Variants in PPP1R1C observed in about 807,000 individuals in gnomAD.
The protein encoded by PPP1R1C is protein phosphatase 1 regulatory inhibitor subunit 1C, also known as protein phosphatase 1 regulatory subunit 1C.
Under a neutral mutation model 17.4 loss-of-function variants are expected in PPP1R1C, and 15 were observed. The ratio of observed to expected loss-of-function variants is 0.86; its 90% CI spans 0.58 to 1.33. The LOEUF is 1.33. Among genes scored for constraint, PPP1R1C ranks in the 40% most tolerant of loss-of-function variants. The pLI is 0.00. For synonymous variants in PPP1R1C, 35 were observed against 43.1 expected (o/e 0.81, Z 0.73); for missense variants, 143 against 130.0 (o/e 1.10, Z -0.48).
At chr2:182,008,229 G>A (rs1439922907) in intron 2 of PPP1R1C, among the ~76,000 whole-genome samples, 1 of 152,096 alleles carries the variant, frequency 6.6e-6, no homozygotes, top group African/African-American at 2.4e-5. Context: ...AATGCCTTTG[G>A]TTAAGGCAAA....
chr2:182,011,794 A>G (rs6752989), intron 2 of PPP1R1C, among the ~76,000 whole-genome samples: 56,058 of 151,858 alleles, frequency 0.37, 11,043 homozygotes, highest in Non-Finnish European at 0.42. Flanking sequence ...TGTATCCCAC[A>G]GGTTTTGGTA....
intron 2 of PPP1R1C, among the ~76,000 whole-genome samples, chr2:182,001,510 T>A (rs1685767261): frequency 6.6e-6 from 1 of 152,146 alleles, no homozygotes; most frequent in Non-Finnish European, 1.5e-5. Context: ...TTCAATGCCA[T>A]CAGATAGTAA....
At chr2:182,031,439 T>G (rs2125171451) in intron 2 of PPP1R1C, among the ~76,000 whole-genome samples, 1 of 152,348 alleles carries the variant, frequency 6.6e-6, no homozygotes, top group East Asian at 1.9e-4. Context: ...TAAAAATGTT[T>G]GGAGGCAAAA....
intron 2 of PPP1R1C, among the ~76,000 whole-genome samples, chr2:182,029,337 G>A (rs1686738344): frequency 6.6e-6 from 1 of 152,118 alleles, no homozygotes; most frequent in Non-Finnish European, 1.5e-5. Context: ...GCATGATTTT[G>A]TAGCGGCTGG....
At chr2:181,956,411 C>G (rs1684670824) in intron 1 of PPP1R1C, among the ~76,000 whole-genome samples, 1 of 152,188 alleles carries the variant, frequency 6.6e-6, no homozygotes, top group Non-Finnish European at 1.5e-5. Context: ...GGGGTATATA[C>G]CCAGTAATGG....
chr2:182,117,256 A>C lies in PPP1R1C; in HGVS notation c.291A>C (p.Glu97Asp), dbSNP rs1689614249. 4 of 1,564,926 alleles carry C rather than the reference A, an allele frequency of 2.6e-6. No homozygotes were observed. Among genetic ancestry groups the C allele is most frequent in the Non-Finnish European group, 3.5e-6 (4 of 1,154,406 alleles). ...GQNESAFPEE[E>D]EGTNEREEQR... ...ATGAATCAGCATTCCCTGAAGAAGAAGAAGGCACCAATGAAAGAGAGGAGC... is the reference window on the plus strand; with the variant it reads ...ATGAATCAGCATTCCCTGAAGAAGACGAAGGCACCAATGAAAGAGAGGAGC... Residue 97 changes from glutamate (E) to aspartate (D), a missense_variant, in exon 5 of 5, where the codon GAA becomes GAC. By Grantham distance (45) the Glu-to-Asp change is conservative. Transcript: ENST00000682840.
intron 2 of PPP1R1C, among the ~76,000 whole-genome samples, chr2:182,033,005 T>C (rs1368335560): frequency 6.6e-6 from 1 of 152,186 alleles, no homozygotes; most frequent in Non-Finnish European, 1.5e-5. Context: ...AGTCTGACTT[T>C]ACCCCCAAAT....
Position 181,961,338 on chromosome 2 carries a change from G to T in PPP1R1C, n.111+6704G>T. ...TGAAGTCATCATCATCAAGCAGGCGGTGGTAGGTGGCGCTCTCAGCCTCCA... is the reference window on the plus strand; with the variant it reads ...TGAAGTCATCATCATCAAGCAGGCGTTGGTAGGTGGCGCTCTCAGCCTCCA... On this transcript the variant is annotated intron_variant and non_coding_transcript_variant, in intron 1 of 5. Transcript: ENST00000464264. The surrounding 1 kb of genome is among the most constrained non-coding windows in gnomAD (Gnocchi z 5.8). 1.4e-6 allele frequency: 1 copy of T among 720,592 alleles called. No homozygotes were observed. Among genetic ancestry groups the T allele is most frequent in the South Asian group, 1.4e-5 (1 of 69,330 alleles). 44.6% of individuals were successfully genotyped at this position (720,592 alleles called of 1,614,324 possible).
At chr2:182,103,174 A>G (rs1401045706) in intron 4 of PPP1R1C, among the ~76,000 whole-genome samples, 1 of 152,220 alleles carries the variant, frequency 6.6e-6, no homozygotes, top group African/African-American at 2.4e-5. Flanking sequence ...TGTTATTTAA[A>G]AAAAAATCTC....
exon 6 of PPP1R1C, chr2:182,129,590 A>G (rs1275240363): frequency 6.6e-6 from 1 of 152,122 alleles, no homozygotes; most frequent in East Asian, 1.9e-4. Context: ...AAGTGGCTTC[A>G]CCTATATTTC....
intron 2 of PPP1R1C, among the ~76,000 whole-genome samples, chr2:182,006,878 G>C (rs1455887981): frequency 1.3e-5 from 2 of 152,174 alleles, no homozygotes; most frequent in African/African-American, 2.4e-5. Context: ...ATTGCTTGTT[G>C]ATAGCTTTCA....
chr2:182,124,314 G>GTTTTTTTT (rs796745919), intron 5 of PPP1R1C, among the ~76,000 whole-genome samples: 4 of 42,068 alleles, frequency 9.5e-5, no homozygotes, highest in East Asian at 7.1e-4. Flanking sequence ...GTTTTTTTTT[G>GTTTTTTTT]TTTTTTTTTT....
At chr2:182,060,924 C>G (rs16822460) in intron 2 of PPP1R1C, among the ~76,000 whole-genome samples, 6,874 of 152,180 alleles carry the variant, frequency 0.045, 517 homozygotes, top group African/African-American at 0.16. Context: ...TAAGAAGCCA[C>G]CCAAGCACTG....
chr2:182,002,724 A>T (rs533527703), intron 2 of PPP1R1C, among the ~76,000 whole-genome samples: 2 of 152,262 alleles, frequency 1.3e-5, no homozygotes, highest in African/African-American at 4.8e-5. Context: ...AATATGCTTC[A>T]TGATCTAGAC....
Position 181,986,136 on chromosome 2 carries a change from T to A in PPP1R1C, c.26T>A (p.Ile9Lys). The change falls in exon 1 of 5, where the codon ATA (isoleucine) becomes AAA (lysine). Residue 9 changes from isoleucine to lysine, a missense_variant. Ile to Lys is a moderately radical substitution (Grantham distance 102, BLOSUM62 -3). Coordinates refer to ENST00000682840, the MANE Select transcript of PPP1R1C (RefSeq NM_001080545.3). ...ATGGAGCCCAACAGTCCCAAAAAGA[T>A]ACAGTTTGCCGTGCCTGTATTCCAG... is the stretch of plus-strand genomic sequence containing the variant. MEPNSPKKIQFAVPVFQSQ... is the reference protein window; with the variant it reads MEPNSPKKKQFAVPVFQSQ... 1 of 1,613,802 alleles carries A rather than the reference T, an allele frequency of 6.2e-7. No individual in the cohort carries two copies. The highest frequency in any genetic ancestry group is 8.5e-7 in the Non-Finnish European group (1 of 1,179,746).
intron 2 of PPP1R1C, among the ~76,000 whole-genome samples, chr2:182,020,443 A>C (rs1293136543): frequency 6.6e-6 from 1 of 152,194 alleles, no homozygotes; most frequent in Non-Finnish European, 1.5e-5. Context: ...CTCTTTGAGC[A>C]TGAAGGGCCT....
downstream of PPP1R1C, chr2:182,130,586 C>T (rs1689985632): frequency 6.6e-6 from 1 of 152,116 alleles, no homozygotes; most frequent in South Asian, 2.1e-4. Flanking sequence ...AGAAGAATAT[C>T]TTTTCTTTCT....
chr2:182,058,713 G>T (rs1372217073), intron 2 of PPP1R1C, among the ~76,000 whole-genome samples: 2 of 152,082 alleles, frequency 1.3e-5, no homozygotes, highest in Non-Finnish European at 2.9e-5. Context: ...ACAAATGGAA[G>T]AAACAGTATT....
chr2:181,987,718 T>G, intron 1 of PPP1R1C, 121 bp from the exon 2 acceptor site: 1 of 877,936 alleles, frequency 1.1e-6, no homozygotes, highest in Non-Finnish European at 1.8e-6. Flanking sequence ...CCATGTGTCC[T>G]CCAGAAATTT....
Sources: allele counts gnomAD v4.1 joint callset (sites outside exome capture counted in the v4.1 genomes callset), GRCh38; gene constraint gnomAD v4.1.1; non-coding constraint Gnocchi (gnomAD v3.1); transcripts MANE v1.5; gene names NCBI Gene and HGNC (gene_info 2026-07-23, HGNC 2026-07-21).